STK32B: variants seen among roughly 807,000 people sequenced by gnomAD.
STK32B encodes serine/threonine kinase 32B.
In STK32B, 43 loss-of-function variants were observed where a neutral mutation model predicts 52.6. The ratio of observed to expected loss-of-function variants is 0.82; its 90% CI spans 0.64 to 1.05. The LOEUF (loss-of-function observed/expected upper bound fraction) is 1.05. Ranked by LOEUF, STK32B falls within the 50% of genes least tolerant of loss-of-function variation. The pLI, the probability that STK32B is intolerant of heterozygous loss-of-function variation, is 0.00. For synonymous variants in STK32B, 238 were observed against 204.3 expected (o/e 1.17, Z -1.41); for missense variants, 621 against 534.6 (o/e 1.16, Z -1.59).
At chr4:5,474,364 G>T (rs1024419205) in intron 11 of STK32B, among the ~76,000 whole-genome samples, 1 of 152,206 alleles carries the variant, frequency 6.6e-6, no homozygotes, top group South Asian at 2.1e-4. Context: ...CAGCCTCTCT[G>T]AGCCTCGGAC....
intron 4 of STK32B, among the ~76,000 whole-genome samples, chr4:5,385,114 G>T (rs776723026): frequency 3.3e-5 from 5 of 152,154 alleles, no homozygotes; most frequent in Non-Finnish European, 5.9e-5. Flanking sequence ...CAGCTCTAAA[G>T]ATGGTAGGGG....
At chr4:5,323,285 C>T (rs995850719) in intron 3 of STK32B, among the ~76,000 whole-genome samples, 2 of 152,034 alleles carry the variant, frequency 1.3e-5, no homozygotes, top group Non-Finnish European at 2.9e-5. Context: ...AAACGGTGAT[C>T]ACCTGCAAGT....
At chr4:5,052,166 G>T (rs1741815150) in intron 1 of STK32B, among the ~76,000 whole-genome samples, 1 of 152,208 alleles carries the variant, frequency 6.6e-6, no homozygotes, top group African/African-American at 2.4e-5. Context: ...CGGCTTCAGA[G>T]AGTTGAACCC....
intron 2 of STK32B, among the ~76,000 whole-genome samples, chr4:5,142,465 C>T (rs576815590): frequency 1.3e-5 from 2 of 152,340 alleles, no homozygotes; most frequent in African/African-American, 4.8e-5. Context: ...ACTGTAGGCA[C>T]ATGGAGGCAC....
chr4:5,065,728 A>C (rs1489244380), intron 1 of STK32B, among the ~76,000 whole-genome samples: 2 of 151,926 alleles, frequency 1.3e-5, no homozygotes, highest in African/African-American at 4.8e-5. Flanking sequence ...TGACTCAGTA[A>C]TTTTTTTTGT....
At chr4:5,414,175 C>A (rs1175070882) in intron 5 of STK32B, among the ~76,000 whole-genome samples, 1 of 152,062 alleles carries the variant, frequency 6.6e-6, no homozygotes, top group African/African-American at 2.4e-5. Flanking sequence ...GGCTTCTTAT[C>A]TGAAACCCTT....
chr4:5,317,352 A>C (rs1215233657), intron 3 of STK32B, among the ~76,000 whole-genome samples: 1 of 41,812 alleles, frequency 2.4e-5, no homozygotes. Flanking sequence ...CATATATATA[A>C]TATATATAAT....
At chr4:5,197,678 T>C (rs1263186431) in intron 3 of STK32B, among the ~76,000 whole-genome samples, 3 of 152,264 alleles carry the variant, frequency 2.0e-5, no homozygotes, top group Non-Finnish European at 4.4e-5. Context: ...TTGCAACAGT[T>C]ATACCTCTTA....
At chr4:5,370,687 A>AG (rs1735166846) in intron 4 of STK32B, among the ~76,000 whole-genome samples, 1 of 152,138 alleles carries the variant, frequency 6.6e-6, no homozygotes, top group Non-Finnish European at 1.5e-5. Context: ...GTTAAAAAAA[A>AG]TTGTTTAAAA....
intron 6 of STK32B, among the ~76,000 whole-genome samples, chr4:5,437,605 G>C (rs1240367267): frequency 1.3e-5 from 2 of 152,192 alleles, no homozygotes; most frequent in African/African-American, 4.8e-5. Context: ...GGTCCCAGGA[G>C]TTAGGACTTG....
intron 4 of STK32B, among the ~76,000 whole-genome samples, chr4:5,362,995 AG>A (rs1734647150): frequency 6.6e-6 from 1 of 152,228 alleles, no homozygotes. Context: ...ATGACTTCAC[AG>A]GAAACACATT....
chr4:5,228,140 T>C (rs191151962), intron 3 of STK32B, among the ~76,000 whole-genome samples: 75 of 152,268 alleles, frequency 4.9e-4, no homozygotes, highest in African/African-American at 1.7e-3. Context: ...TCACCACCAA[T>C]GTGTTTGTGC....
At chr4:5,452,795 G>A (rs950337938) in intron 7 of STK32B, among the ~76,000 whole-genome samples, 4 of 151,818 alleles carry the variant, frequency 2.6e-5, no homozygotes, top group African/African-American at 9.7e-5. Flanking sequence ...TTTAGAAACC[G>A]AGTTTCCTGG....
chr4:5,292,731 T>C (rs1166007985), intron 3 of STK32B, among the ~76,000 whole-genome samples: 1 of 152,126 alleles, frequency 6.6e-6, no homozygotes, highest in Non-Finnish European at 1.5e-5. Flanking sequence ...CCTAGGCCAA[T>C]GTCCAGCAGA....
At chr4:5,311,304 C>T (rs1730274504) in intron 3 of STK32B, among the ~76,000 whole-genome samples, 2 of 152,136 alleles carry the variant, frequency 1.3e-5, no homozygotes, top group African/African-American at 2.4e-5. Context: ...TATCATTACA[C>T]ATTGCATACA....
rs1736916716 is a variant in STK32B, at chr4:5,396,300, T to C, written c.435-1907T>C. Among the ~76,000 whole-genome samples, 1 of 152,088 alleles carries C rather than the reference T, an allele frequency of 6.6e-6. No individual in the cohort carries two copies. ...TGCATCACTCCAGTATCTGCTTCCA[T>C]CTCCCCATGGCCTTCTTCTCTCCTG... On this transcript the variant is annotated intron_variant, in intron 4 of 11. Transcript: ENST00000282908. This position sits in a 1 kb window ranked among gnomAD's most constrained non-coding sequence, Gnocchi z 4.7.
intron 3 of STK32B, among the ~76,000 whole-genome samples, chr4:5,327,393 T>C (rs528652693): frequency 6.6e-6 from 1 of 151,434 alleles, no homozygotes; most frequent in South Asian, 2.1e-4. Context: ...TCTATGGCAG[T>C]TATAGTCTTA....
intron 3 of STK32B, among the ~76,000 whole-genome samples, chr4:5,319,835 G>C (rs1194875815): frequency 2.0e-5 from 3 of 152,134 alleles, no homozygotes; most frequent in Admixed American, 2.0e-4. Context: ...AAAGTCACAG[G>C]GAGAACTGAC....
At chr4:5,138,724 C>T (rs756984599) in intron 1 of STK32B, among the ~76,000 whole-genome samples, 3 of 152,106 alleles carry the variant, frequency 2.0e-5, no homozygotes, top group Non-Finnish European at 4.4e-5. Flanking sequence ...GGGGAAAGTT[C>T]CACAGTGCCA....
Sources: gnomAD v4.1 joint callset for allele counts (sites outside exome capture counted in the v4.1 genomes callset) on GRCh38, gnomAD v4.1.1 for gene constraint, Gnocchi (gnomAD v3.1) non-coding constraint, MANE v1.5 for transcripts, NCBI Gene and HGNC (gene_info 2026-07-23, HGNC 2026-07-21) for gene names.